SETD6: variants seen among roughly 807,000 people sequenced by gnomAD.
SETD6 encodes N-lysine methyltransferase SETD6.
Under a neutral mutation model 52.7 loss-of-function variants are expected in SETD6, and 67 were observed. That is an observed-to-expected ratio of 1.27 (90% CI 1.04 to 1.56). The LOEUF (loss-of-function observed/expected upper bound fraction) is 1.56. Among genes scored for constraint, SETD6 ranks in the 40% most tolerant of loss-of-function variants. The probability of loss-of-function intolerance (pLI) is 0.00; values close to 1 mark genes in which losing one functional copy is unlikely to be tolerated. For missense variants in SETD6, 712 were observed against 607.5 expected, an observed-to-expected ratio of 1.17 and a Z score of -1.81; for synonymous variants, 307 against 250.2, an observed-to-expected ratio of 1.23 and a Z score of -2.14.
intron 1 of SETD6, 95 bp from the exon 2 acceptor site, chr16:58,515,696 A>C: frequency 2.1e-6 from 3 of 1,397,182 alleles, no homozygotes; most frequent in Non-Finnish European, 2.8e-6. Context: ...CCCCTCCTCC[A>C]CCCAAAGCCC....
At position 58,516,238 on chromosome 16, in the gene SETD6, C is replaced by T. The variant is rs766770962; in HGVS notation, c.371C>T (p.Pro124Leu). The T allele has an allele frequency of 2.5e-6, 4 of 1,597,922 alleles. No homozygotes were observed. The highest frequency in any genetic ancestry group is 1.7e-5 in the Admixed American group (1 of 59,742). ...CTGCAGAGCCAGTCGGGCTGGGTGC[C>T]ACTGCTGCTGGCGCTGCTCCACGAG... is the stretch of plus-strand genomic sequence containing the variant. ...VALQSQSGWV[P>L]LLLALLHELQ... The change falls in exon 3 of 8, where the codon CCA (proline) becomes CTA (leucine). Residue 124 changes from proline (P) to leucine (L), a missense_variant. By Grantham distance (98) the Pro-to-Leu change is moderately conservative. Transcript: ENST00000219315.
chr16:58,516,153 C>CGGTTCGGGT, intron 2 of SETD6, 49 bp from the exon 3 acceptor site: 1 of 1,051,522 alleles, frequency 9.5e-7, no homozygotes, highest in Non-Finnish European at 1.2e-6. Context: ...GCGGGGCGGG[C>CGGTTCGGGT]CCGGCCCGCG....
rs2039354063 is a variant in SETD6, at chr16:58,521,129, G to A, written c.*2100G>A. ...CAGCTGACCCAACCTAGAGACAGAT[G>A]GTTTTCAGTCTCCAGTCTCATTCCT... is the stretch of plus-strand genomic sequence containing the variant. On this transcript the variant is annotated 3_prime_UTR_variant, in exon 8 of 8. Transcript: ENST00000219315. 2 of 1,612,262 alleles carry A rather than the reference G, an allele frequency of 1.2e-6. No individual in the cohort carries two copies. The highest frequency in any genetic ancestry group is 1.7e-6 in the Non-Finnish European group (2 of 1,178,640).
At chr16:58,517,421 GTTAT>G (rs1400238852) in intron 5 of SETD6, 1 of 178,790 alleles carries the variant, frequency 5.6e-6, no homozygotes, top group African/African-American at 2.4e-5. Context: ...AGTAAGTATG[GTTAT>G]TTCTTAATCC....
chr16:58,516,848 C>G lies in SETD6; in HGVS notation c.712C>G (p.Pro238Ala), dbSNP rs779070359. The part of the protein sequence containing the change: ...PLEEEEDEKE[P>A]NSPVMVPAAD... ...GGAGGAAGAAGAGGATGAAAAGGAG[C>G]CCAACTCCCCCGTGATGGTGCCTGC... is the stretch of plus-strand genomic sequence containing the variant. The change falls in exon 5 of 8, where the codon CCC becomes GCC. Residue 238 changes from proline (P) to alanine (A), a missense_variant. Physicochemically the swap from Pro to Ala is conservative, Grantham distance 27. Transcript: ENST00000219315. The G allele has an allele frequency of 1.5e-5, 25 of 1,614,036 alleles. No individual in the cohort carries two copies. The highest frequency in any genetic ancestry group is 2.1e-5 in the Non-Finnish European group (25 of 1,180,036).
chr16:58,519,118 C>G lies in SETD6; in HGVS notation c.*89C>G. ...GTTTGAAAAAGAGGAAAATTTGGAT[C>G]TTTCTTTTGCTTACTAAACACCAAG... is the stretch of plus-strand genomic sequence containing the variant. On this transcript the variant is annotated 3_prime_UTR_variant, in exon 8 of 8. Coordinates refer to ENST00000219315, the MANE Select transcript of SETD6 (RefSeq NM_001160305.4). 7.7e-7 allele frequency: 1 copy of G among 1,302,018 alleles called. No homozygotes were observed. The allele number at this position is 1,302,018 out of a possible 1,614,324, so 80.7% of individuals were successfully genotyped here.
At position 58,520,772 on chromosome 16, in the gene SETD6, A is replaced by T; in HGVS notation, c.*1743A>T. The T allele has an allele frequency of 1.6e-6, 1 of 606,096 alleles. No homozygotes were observed. Among genetic ancestry groups the T allele is most frequent in the Middle Eastern group, 4.4e-4 (1 of 2,260 alleles). 37.5% of individuals were successfully genotyped at this position (606,096 alleles called of 1,614,324 possible). A position where few individuals can be genotyped will look rare whatever the true frequency, so the allele number is the denominator to read the frequency against. Reference sequence around the variant, plus strand: ...TAAATTTTGGCCAAGAGTCAAAAAAATGCATTTAAACTTTGGAACGTGCCC... The same window carrying T: ...TAAATTTTGGCCAAGAGTCAAAAAATTGCATTTAAACTTTGGAACGTGCCC... On this transcript the variant is annotated 3_prime_UTR_variant, in exon 8 of 8. Coordinates refer to ENST00000219315, the MANE Select transcript of SETD6 (RefSeq NM_001160305.4).
chr16:58,519,456 A>G lies in SETD6; in HGVS notation c.*427A>G, dbSNP rs2039285526. 5.8e-6 allele frequency: 1 copy of G among 172,090 alleles called. No homozygotes were observed. Among genetic ancestry groups the G allele is most frequent in the Admixed American group, 5.4e-5 (1 of 18,490 alleles). The allele number at this position is 172,090 out of a possible 1,614,324, so 10.7% of individuals were successfully genotyped here. On this transcript the variant is annotated 3_prime_UTR_variant, in exon 8 of 8. Transcript: ENST00000219315. ...GCTGTGTAACTGGTACTCGATAGTT[A>G]CCCAAAGTTCAGTCTAGATGGCACA... is the stretch of plus-strand genomic sequence containing the variant.
At position 58,522,362 on chromosome 16, in the gene SETD6, C is replaced by A. The variant is rs553895752; in HGVS notation, c.*3333C>A. On this transcript the variant is annotated 3_prime_UTR_variant, in exon 8 of 8. Coordinates refer to ENST00000219315, the MANE Select transcript of SETD6 (RefSeq NM_001160305.4). ...TATATCCTTTCACGTACCAACTGTA[C>A]ATGAAGCATAACAAAGATTACAAGT... Among the ~76,000 whole-genome samples, 4 of 150,840 alleles carry A rather than the reference C, an allele frequency of 2.7e-5. No individual in the cohort carries two copies. In the South Asian group the frequency reaches 8.4e-4, roughly 32 times the overall value.
rs781236846 is a variant in SETD6 at position 58,516,601 on chromosome 16, C to G, written c.600C>G (p.Pro200=). Residue 200 remains proline (P), a synonymous_variant, in exon 4 of 8, where the codon CCC becomes CCG. Transcript: ENST00000219315. ...SIVLPFMEAH[P]DLFSLRVRSL... ...TGCTGCCCTTCATGGAAGCCCACCC[C>G]GATCTCTTCAGCCTCAGGGTTCGCT... 2.5e-6 allele frequency: 4 copies of G among 1,614,170 alleles called. No homozygotes were observed. The highest frequency in any genetic ancestry group is 3.4e-6 in the Non-Finnish European group (4 of 1,180,030).
In SETD6 at chr16:58,521,335, G is replaced by A. The variant is rs1478807683; in HGVS notation, c.*2306G>A. 1.9e-6 allele frequency: 3 copies of A among 1,592,870 alleles called. No individual in the cohort carries two copies. The highest frequency in any genetic ancestry group is 2.6e-6 in the Non-Finnish European group (3 of 1,174,070). On this transcript the variant is annotated 3_prime_UTR_variant, in exon 8 of 8. Transcript: ENST00000219315. ...AGAGAACTCTGGAAAAAGGGAGAAA[G>A]AGCTAGTTAATGTATAGAAGCATAC...
chr16:58,521,373 A>C lies in SETD6; in HGVS notation c.*2344A>C. ...TATAGAAGCATACAAATTCATGATT[A>C]TTCTTCCATTACTTTTTTTCTAACT... On this transcript the variant is annotated 3_prime_UTR_variant, in exon 8 of 8. Coordinates refer to ENST00000219315, the MANE Select transcript of SETD6 (RefSeq NM_001160305.4). 6.6e-7 allele frequency: 1 copy of C among 1,526,632 alleles called. No homozygotes were observed. The highest frequency in any genetic ancestry group is 8.8e-7 in the Non-Finnish European group (1 of 1,130,728). The allele number at this position is 1,526,632 out of a possible 1,614,324, so 94.6% of individuals were successfully genotyped here. A position where few individuals can be genotyped will look rare whatever the true frequency, so the allele number is the denominator to read the frequency against.
intron 1 of SETD6, 91 bp downstream of exon 1, chr16:58,515,655 T>C: frequency 7.1e-7 from 1 of 1,409,382 alleles, no homozygotes; most frequent in Non-Finnish European, 9.2e-7. Context: ...CTCCGCTCCC[T>C]CCCGCGGGTC....
chr16:58,520,902 G>A lies in SETD6; in HGVS notation c.*1873G>A. Reference sequence around the variant, plus strand: ...TGAAAGGATTCTTCAGTCAGTTTATGAACTCGGTGCAGTGAGACCTCTAGA... The same window carrying A: ...TGAAAGGATTCTTCAGTCAGTTTATAAACTCGGTGCAGTGAGACCTCTAGA... On this transcript the variant is annotated 3_prime_UTR_variant, in exon 8 of 8. Transcript: ENST00000219315. The A allele has an allele frequency of 6.5e-7, 1 of 1,548,236 alleles. No individual in the cohort carries two copies. The highest frequency in any genetic ancestry group is 2.2e-5 in the East Asian group (1 of 44,626).
chr16:58,516,961 G>A, intron 5 of SETD6, 33 bp downstream of exon 5: 1 of 1,614,048 alleles, frequency 6.2e-7, no homozygotes, highest in Non-Finnish European at 8.5e-7. Flanking sequence ...CACTGATTGA[G>A]CATGATTCAA....
intron 5 of SETD6, 166 bp downstream of exon 5, chr16:58,517,094 T>TA: frequency 9.9e-7 from 1 of 1,012,574 alleles, no homozygotes. Context: ...CGAAACATTT[T>TA]AAAGTCCTCA....
At chr16:58,517,420 G>T in intron 5 of SETD6, 1 of 178,984 alleles carries the variant, frequency 5.6e-6, no homozygotes, top group Non-Finnish European at 1.2e-5. Flanking sequence ...TAGTAAGTAT[G>T]GTTATTTCTT....
chr16:58,515,579 C>G lies in SETD6; in HGVS notation c.27+15C>G. ...AGCGTCCACGGGTGAGTGGCGGGCGCGGGGTCCAGCCTTTTCCTCCGCGCC... is the reference window on the plus strand; with the variant it reads ...AGCGTCCACGGGTGAGTGGCGGGCGGGGGGTCCAGCCTTTTCCTCCGCGCC... On this transcript the variant is annotated intron_variant, in intron 1 of 7. Transcript: ENST00000219315. The G allele has an allele frequency of 6.4e-7, 1 of 1,559,462 alleles. No homozygotes were observed. Among genetic ancestry groups the G allele is most frequent in the Non-Finnish European group, 8.6e-7 (1 of 1,159,198 alleles).
chr16:58,518,399 A>G lies in SETD6; in HGVS notation c.974-2A>G. The G allele has an allele frequency of 6.3e-7, 1 of 1,580,516 alleles. No homozygotes were observed. The highest frequency in any genetic ancestry group is 8.6e-7 in the Non-Finnish European group (1 of 1,168,750). Reference sequence around the variant, plus strand: ...ACTTTCACATTGCTGTTTCATCTACAGGAACAAAAACTGAAGCTGAAAGGC... The same window carrying G: ...ACTTTCACATTGCTGTTTCATCTACGGGAACAAAAACTGAAGCTGAAAGGC... On this transcript the variant is annotated splice_acceptor_variant, in intron 6 of 7. Transcript: ENST00000219315. LOFTEE classifies it high-confidence loss of function.
Sources: gnomAD v4.1 joint callset for allele counts (sites outside exome capture counted in the v4.1 genomes callset) on GRCh38, gnomAD v4.1.1 for gene constraint, MANE v1.5 for transcripts, NCBI Gene and HGNC (gene_info 2026-07-23, HGNC 2026-07-21) for gene names.